DMXL1: variants seen among roughly 807,000 people sequenced by gnomAD.
DMXL1 encodes the protein dmX-like protein 1.
Under a neutral mutation model 319.2 loss-of-function variants are expected in DMXL1, and 99 were observed. The observed-to-expected ratio is 0.31, with a 90% CI of 0.26 to 0.37. The LOEUF is 0.37. Ranked by LOEUF, DMXL1 falls within the 10% of genes least tolerant of loss-of-function variation. The pLI is 1.00. For synonymous variants in DMXL1, 1,385 were observed against 1,235.2 expected (o/e 1.12, Z -2.54); for missense variants, 3,745 against 3,595.6 (o/e 1.04, Z -1.06).
chr5:119,142,683 T>C (rs1434645771), intron 13 of DMXL1, among the ~76,000 whole-genome samples: 4 of 152,106 alleles, frequency 2.6e-5, no homozygotes, highest in Non-Finnish European at 4.4e-5. Flanking sequence ...ATCCCATTAC[T>C]GGCTATGTAC....
At chr5:119,174,580 G>A (rs180935265) in intron 25 of DMXL1, among the ~76,000 whole-genome samples, 51 of 152,306 alleles carry the variant, frequency 3.3e-4, no homozygotes, top group African/African-American at 1.2e-3. Context: ...CAAAATGACT[G>A]GCATACTTCA....
At chr5:119,238,393 G>T (rs1435726728) in intron 40 of DMXL1, among the ~76,000 whole-genome samples, 1 of 152,018 alleles carries the variant, frequency 6.6e-6, no homozygotes, top group Non-Finnish European at 1.5e-5. Context: ...TATAAATGAA[G>T]AAACCTCATA....
Position 119,148,784 on chromosome 5 carries a change from A to G in DMXL1, c.2957A>G (p.Tyr986Cys), listed in dbSNP as rs768093929. The G allele has an allele frequency of 6.2e-7, 1 of 1,613,578 alleles. No individual in the cohort carries two copies. Among genetic ancestry groups the G allele is most frequent in the Non-Finnish European group, 8.5e-7 (1 of 1,179,682 alleles). Reference sequence around the variant, plus strand: ...ATATATCCTGCATGCAGTGCTCCTTATTTATTGGCAACTTCATGTTCAGAT... The same window carrying G: ...ATATATCCTGCATGCAGTGCTCCTTGTTTATTGGCAACTTCATGTTCAGAT... ...SSIYPACSAP[Y>C]LLATSCSDEK... The change falls in exon 18 of 44, where the codon TAT (tyrosine) becomes TGT (cysteine). Residue 986 changes from tyrosine (Y) to cysteine (C), a missense_variant. Around this residue, in one of 4 missense-constraint regions of DMXL1, gnomAD observed 2,096 missense variants for 1,985.4 expected, o/e 1.06. Transcript: ENST00000539542.
At position 119,171,135 on chromosome 5, in the gene DMXL1, A is replaced by G. The variant is rs768485727; in HGVS notation, c.6344A>G (p.Asn2115Ser). 6.2e-7 allele frequency: 1 copy of G among 1,613,926 alleles called. No homozygotes were observed. ...ACAAAAGTGAAACAACTGAGAGAAA[A>G]TTTTCAGGAAAAAAGACAGTGGCTC... ...HQTKVKQLRE[N>S]FQEKRQWLLK... is the part of the protein sequence containing the mutation. Residue 2115 changes from asparagine to serine, a missense_variant, in exon 24 of 44, where the codon AAT (asparagine) becomes AGT (serine). By Grantham distance (46) the Asn-to-Ser change is conservative. Transcript: ENST00000539542.
At chr5:119,228,237 C>G (rs1785961922) in intron 38 of DMXL1, among the ~76,000 whole-genome samples, 1 of 152,164 alleles carries the variant, frequency 6.6e-6, no homozygotes, top group African/African-American at 2.4e-5. Context: ...CTTTCAGAGT[C>G]TTTTCTATGA....
chr5:119,107,814 C>G (rs1046535581), intron 4 of DMXL1, among the ~76,000 whole-genome samples: 3 of 152,046 alleles, frequency 2.0e-5, no homozygotes, highest in African/African-American at 7.2e-5. Context: ...TCTATGAAAC[C>G]TTCTGTCTAG....
In DMXL1 at chr5:119,084,941, G is replaced by A. The variant is rs527813435; in HGVS notation, c.88-13038G>A. 4.7e-4 allele frequency among the ~76,000 whole-genome samples: 71 copies of A among 151,696 alleles called. 1 individual carries two copies. The South Asian group carries it at 0.015, about 31-fold the overall frequency. The stretch of plus-strand genomic sequence containing the variant: ...CAATATTAATTCTTCCAATCCATGA[G>A]CATGGAATATCTTTCCATTTTTTGT... On this transcript the variant is annotated intron_variant, in intron 1 of 43. Transcript: ENST00000539542.
rs572109604 is a variant in DMXL1 at position 119,165,860 on chromosome 5, G to T, written c.4970+580G>T. Among the ~76,000 whole-genome samples, 177 of 152,306 alleles carry T rather than the reference G, an allele frequency of 1.2e-3. 3 individuals carry two copies. The South Asian group carries it at 0.014, about 12-fold the overall frequency. ...CCACTGGGTCCCTCCCACAGCACTT[G>T]GGAATTCAAGATGAGATTTGGGTGG... On this transcript the variant is annotated intron_variant, in intron 21 of 43. Coordinates refer to ENST00000539542, the MANE Select transcript of DMXL1 (RefSeq NM_001290321.3).
intron 34 of DMXL1, among the ~76,000 whole-genome samples, 164 bp downstream of exon 34, chr5:119,207,060 A>G (rs907815060): frequency 1.3e-5 from 2 of 152,206 alleles, no homozygotes; most frequent in Non-Finnish European, 2.9e-5. Flanking sequence ...TGCAGTTGTA[A>G]AAGTGGTTTC....
chr5:119,120,194 C>T lies in DMXL1; in HGVS notation c.934-777C>T, dbSNP rs558740650. Among the ~76,000 whole-genome samples, 4 of 152,300 alleles carry T rather than the reference C, an allele frequency of 2.6e-5. No individual in the cohort carries two copies. In the South Asian group the frequency reaches 6.2e-4, roughly 24 times the overall value. ...GATCACAGGCGTGAGCCACCATGCC[C>T]GGCCCTGAAAACAGAAGTGATTTTG... On this transcript the variant is annotated intron_variant, in intron 8 of 43. Transcript: ENST00000539542.
intron 19 of DMXL1, among the ~76,000 whole-genome samples, chr5:119,162,478 A>G (rs1465349018): frequency 6.6e-6 from 1 of 152,168 alleles, no homozygotes; most frequent in Non-Finnish European, 1.5e-5. Flanking sequence ...TCTGCTCCAT[A>G]GTTGACACCT....
intron 37 of DMXL1, among the ~76,000 whole-genome samples, chr5:119,223,443 A>G (rs1379483032): frequency 6.6e-6 from 1 of 152,194 alleles, no homozygotes; most frequent in Non-Finnish European, 1.5e-5. Flanking sequence ...ATTTCTAACT[A>G]GAATGGTATT....
At chr5:119,229,852 G>A (rs76641078) in intron 38 of DMXL1, among the ~76,000 whole-genome samples, 2,411 of 152,220 alleles carry the variant, frequency 0.016, 61 homozygotes, top group African/African-American at 0.055. Context: ...ACAGAAGCAT[G>A]TTCTTTTTCA....
chr5:119,175,560 T>C (rs893760752), intron 26 of DMXL1, among the ~76,000 whole-genome samples: 42 of 152,188 alleles, frequency 2.8e-4, no homozygotes, highest in Non-Finnish European at 2.5e-4. Flanking sequence ...TACTGGTCAC[T>C]GCCTTATGTC....
At chr5:119,110,937 C>A (rs770541592) in intron 5 of DMXL1, among the ~76,000 whole-genome samples, 1 of 152,050 alleles carries the variant, frequency 6.6e-6, no homozygotes, top group African/African-American at 2.4e-5. Context: ...TACAGGCACG[C>A]GCCACCACAT....
intron 39 of DMXL1, among the ~76,000 whole-genome samples, chr5:119,234,255 G>A (rs1330498878): frequency 5.9e-5 from 9 of 152,058 alleles, no homozygotes; most frequent in Admixed American, 5.9e-4. Context: ...CAGAGGCAGT[G>A]CACCCACAGC....
At chr5:119,120,182 A>T (rs1580812825) in intron 8 of DMXL1, among the ~76,000 whole-genome samples, 2 of 152,234 alleles carry the variant, frequency 1.3e-5, no homozygotes, top group African/African-American at 2.4e-5. Context: ...CACAGGCGTG[A>T]GCCACCATGC....
At position 119,098,092 on chromosome 5, in the gene DMXL1, G is replaced by A. The variant is rs763742416; in HGVS notation, c.201G>A (p.Met67Ile). 17 of 1,597,766 alleles carry A rather than the reference G, an allele frequency of 1.1e-5. No individual in the cohort carries two copies. The highest frequency in any genetic ancestry group is 1.4e-5 in the Non-Finnish European group (16 of 1,175,656). Reference sequence around the variant, plus strand: ...AAGTGGGATGTGTAGACTGTTCAATGCAACAAGGCAAGGTTTGTAATCTTC... The same window carrying A: ...AAGTGGGATGTGTAGACTGTTCAATACAACAAGGCAAGGTTTGTAATCTTC... ...NIQVGCVDCSMQQGKIAASYG... is the reference protein window; with the variant it reads ...NIQVGCVDCSIQQGKIAASYG... The change falls in exon 2 of 44, where the codon ATG becomes ATA. Residue 67 changes from methionine to isoleucine, a missense_variant. Transcript: ENST00000539542.
intron 23 of DMXL1, 51 bp downstream of exon 23, chr5:119,167,915 CT>C: frequency 6.5e-7 from 1 of 1,542,462 alleles, no homozygotes; most frequent in Non-Finnish European, 8.8e-7. Context: ...TTGGTAATTG[CT>C]ACATGTGCAG....
Sources: allele counts gnomAD v4.1 joint callset (sites outside exome capture counted in the v4.1 genomes callset), GRCh38; gene constraint gnomAD v4.1.1; regional missense constraint gnomAD v4.1.1; transcripts MANE v1.5; gene names NCBI Gene and HGNC (gene_info 2026-07-23, HGNC 2026-07-21).